The following CDH2 variants were observed in gnomAD, a reference collection of about 807,000 sequenced individuals.
CDH2 encodes the protein cadherin 2.
CDH2 carries 17 observed loss-of-function variants against 92.0 expected under a neutral mutation model. The ratio of observed to expected loss-of-function variants is 0.18; its 90% CI spans 0.13 to 0.28. The LOEUF (loss-of-function observed/expected upper bound fraction) is 0.28. CDH2 is among the 10% of genes least tolerant of loss of function. CDH2 has a pLI of 1.00. For synonymous variants in CDH2, 419 were observed against 415.9 expected, an observed-to-expected ratio of 1.01 and a Z score of -0.09; for missense variants, 862 against 1,133.1, an observed-to-expected ratio of 0.76 and a Z score of 3.44.
intron 7 of CDH2, among the ~76,000 whole-genome samples, chr18:27,997,724 C>CT (rs543767185): frequency 1.4e-3 from 214 of 152,094 alleles, no homozygotes; most frequent in Middle Eastern, 6.8e-3. Flanking sequence ...AGATTTGCCT[C>CT]TAGATAAATT....
intron 11 of CDH2, among the ~76,000 whole-genome samples, chr18:27,986,309 A>T (rs2012231979): frequency 6.6e-6 from 1 of 152,086 alleles, no homozygotes; most frequent in South Asian, 2.1e-4. Context: ...TAACCAACCA[A>T]CTACCTGCTT....
At chr18:27,980,642 C>A (rs2012016132) in intron 14 of CDH2, among the ~76,000 whole-genome samples, 1 of 151,832 alleles carries the variant, frequency 6.6e-6, no homozygotes, top group Non-Finnish European at 1.5e-5. Context: ...TATCAAAGAA[C>A]CCAGAGGCTA....
chr18:28,156,204 C>CTTT (rs1321796664), intron 1 of CDH2, among the ~76,000 whole-genome samples: 1 of 152,172 alleles, frequency 6.6e-6, no homozygotes, highest in Non-Finnish European at 1.5e-5. Flanking sequence ...AGTATCAGTA[C>CTTT]TTTTAGTTTT....
At chr18:28,013,645 T>C (rs772601062) in intron 3 of CDH2, 38 bp downstream of exon 3, 5 of 1,484,606 alleles carry the variant, frequency 3.4e-6, no homozygotes, top group Non-Finnish European at 4.7e-6. Context: ...ATAAAGCTGA[T>C]TTTTAACCAG....
chr18:28,026,658 A>C (rs2013561600), intron 2 of CDH2, among the ~76,000 whole-genome samples: 1 of 152,122 alleles, frequency 6.6e-6, no homozygotes, highest in African/African-American at 2.4e-5. Flanking sequence ...ACAGAAAAAC[A>C]ATGTCAGCCA....
rs17536597 is a variant in CDH2, at chr18:28,149,206, G to A, written c.61-1422C>T. Among the ~76,000 whole-genome samples the A allele has an allele frequency of 6.3e-3, 966 of 152,264 alleles. 9 individuals are homozygous for A. Among genetic ancestry groups the A allele is most frequent in the African/African-American group, 0.022 (922 of 41,552 alleles). ...TTCCTAGGGAAATATTACGCCACAT[G>A]AGTGCTCCAGTTGACATGTGCAGGA... On this transcript the variant is annotated intron_variant, in intron 1 of 15. Coordinates refer to ENST00000269141, the MANE Select transcript of CDH2 (RefSeq NM_001792.5).
chr18:27,965,711 G>A (rs1414510436), intron 14 of CDH2, among the ~76,000 whole-genome samples: 3 of 152,042 alleles, frequency 2.0e-5, no homozygotes, highest in Non-Finnish European at 2.9e-5. Context: ...TGCTATACAC[G>A]ACAAAAAGAG....
At position 28,119,001 on chromosome 18, in the gene CDH2, A is replaced by C. The variant is rs181828077; in HGVS notation, c.172+28672T>G. On this transcript the variant is annotated intron_variant, in intron 2 of 15. Transcript: ENST00000269141. ...CTGACATGTCCTATATACCACAGAAAAGGTTACTATACAATCCATTGGAAA... is the reference window on the plus strand; with the variant it reads ...CTGACATGTCCTATATACCACAGAACAGGTTACTATACAATCCATTGGAAA... Among the ~76,000 whole-genome samples, 6 of 152,244 alleles carry C rather than the reference A, an allele frequency of 3.9e-5. No homozygotes were observed. In the East Asian group the frequency reaches 1.2e-3, roughly 29 times the overall value.
intron 2 of CDH2, among the ~76,000 whole-genome samples, chr18:28,095,807 CAAAAAAA>C (rs33981188): frequency 9.7e-6 from 1 of 102,934 alleles, no homozygotes; most frequent in Non-Finnish European, 1.9e-5. Flanking sequence ...GCAACTCCAT[CAAAAAAA>C]AAAAAAAAAA....
chr18:28,077,950 T>C (rs1252969829), intron 2 of CDH2, among the ~76,000 whole-genome samples: 1 of 146,812 alleles, frequency 6.8e-6, no homozygotes, highest in Non-Finnish European at 1.5e-5. Context: ...ATCATTAACA[T>C]TTAAGCTTTG....
intron 2 of CDH2, among the ~76,000 whole-genome samples, chr18:28,104,450 T>C (rs1353487756): frequency 3.3e-5 from 5 of 151,910 alleles, no homozygotes; most frequent in Admixed American, 2.6e-4. Flanking sequence ...TTAAAAACCA[T>C]GAAGCAATCC....
intron 15 of CDH2, among the ~76,000 whole-genome samples, chr18:27,959,121 A>G (rs2011331777): frequency 6.6e-6 from 1 of 152,194 alleles, no homozygotes; most frequent in African/African-American, 2.4e-5. Flanking sequence ...TATTGGAGGT[A>G]TATTAATATC....
At chr18:27,985,483 A>C in intron 12 of CDH2, 45 bp downstream of exon 12, 1 of 1,294,194 alleles carries the variant, frequency 7.7e-7, no homozygotes, top group Non-Finnish European at 1.1e-6. Flanking sequence ...CAGGCTTCAA[A>C]ATCTCTCAAC....
At chr18:28,084,150 C>T (rs1051762414) in intron 2 of CDH2, among the ~76,000 whole-genome samples, 25 of 152,182 alleles carry the variant, frequency 1.6e-4, no homozygotes, top group East Asian at 9.7e-4. Context: ...TTTAATTCTC[C>T]GTATACCTAT....
At chr18:28,068,089 C>G (rs2014544383) in intron 2 of CDH2, among the ~76,000 whole-genome samples, 1 of 152,174 alleles carries the variant, frequency 6.6e-6, no homozygotes, top group Non-Finnish European at 1.5e-5. Flanking sequence ...CTCTTCCCTC[C>G]CTCCAATTCT....
At chr18:28,065,936 A>C (rs931767340) in intron 2 of CDH2, among the ~76,000 whole-genome samples, 2 of 152,194 alleles carry the variant, frequency 1.3e-5, no homozygotes, top group African/African-American at 4.8e-5. Flanking sequence ...TTATCCACCC[A>C]GATATGTACC....
intron 2 of CDH2, among the ~76,000 whole-genome samples, chr18:28,134,198 A>G (rs570876994): frequency 2.6e-3 from 389 of 150,850 alleles, no homozygotes; most frequent in African/African-American, 9.1e-3. Context: ...TGAACCCAGG[A>G]GGCAGAGGTT....
At chr18:28,152,179 T>C (rs896058266) in intron 1 of CDH2, among the ~76,000 whole-genome samples, 2 of 152,188 alleles carry the variant, frequency 1.3e-5, no homozygotes, top group Admixed American at 1.3e-4. Context: ...GGGGTTAAAC[T>C]ATCTGCATTT....
At chr18:27,987,902 G>A (rs1031310071) in intron 11 of CDH2, among the ~76,000 whole-genome samples, 3 of 152,170 alleles carry the variant, frequency 2.0e-5, no homozygotes, top group South Asian at 4.2e-4. Flanking sequence ...AACACACATC[G>A]TACTGAGAGC....
Sources: gnomAD v4.1 joint callset for allele counts (sites outside exome capture counted in the v4.1 genomes callset) on GRCh38, gnomAD v4.1.1 for gene constraint, MANE v1.5 for transcripts, NCBI Gene and HGNC (gene_info 2026-07-23, HGNC 2026-07-21) for gene names.